ST14: variants seen among roughly 807,000 people sequenced by gnomAD.
ST14 encodes the protein ST14 transmembrane serine protease matriptase, also known as suppressor of tumorigenicity 14 protein.
A neutral mutation model predicts 96.5 loss-of-function variants in ST14; 40 were observed. That is an observed-to-expected ratio of 0.41 (90% CI 0.32 to 0.54). The LOEUF (loss-of-function observed/expected upper bound fraction) is 0.54. ST14 is among the 20% of genes least tolerant of loss of function. The pLI, the probability that ST14 is intolerant of heterozygous loss-of-function variation, is 0.17. For synonymous variants in ST14, 506 were observed against 492.1 expected (o/e 1.03, Z -0.37); for missense variants, 1,066 against 1,188.9 (o/e 0.90, Z 1.52).
chr11:130,166,030 A>G (rs905599200), intron 1 of ST14, among the ~76,000 whole-genome samples: 1 of 152,244 alleles, frequency 6.6e-6, no homozygotes, highest in African/African-American at 2.4e-5. Flanking sequence ...ACCCGGTGCC[A>G]GTGCTGGTGT....
intron 9 of ST14, among the ~76,000 whole-genome samples, chr11:130,195,868 GAA>G (rs1953356549): frequency 4.0e-5 from 5 of 123,502 alleles, no homozygotes; most frequent in African/African-American, 1.5e-4. Flanking sequence ...AAAAAAAAAA[GAA>G]AAGAGGCTGG....
At chr11:130,171,225 T>G (rs1385272663) in intron 1 of ST14, among the ~76,000 whole-genome samples, 1 of 152,226 alleles carries the variant, frequency 6.6e-6, no homozygotes, top group Non-Finnish European at 1.5e-5. Flanking sequence ...TCCCATAAGT[T>G]AGGCTGCAAA....
chr11:130,200,471 T>A (rs1953416521), intron 16 of ST14, among the ~76,000 whole-genome samples: 1 of 151,986 alleles, frequency 6.6e-6, no homozygotes, highest in Non-Finnish European at 1.5e-5. Context: ...GAGGAGGTCC[T>A]AGACTCTTAA....
At chr11:130,174,136 G>A (rs1375676603) in intron 1 of ST14, among the ~76,000 whole-genome samples, 1 of 152,208 alleles carries the variant, frequency 6.6e-6, no homozygotes, top group East Asian at 1.9e-4. Flanking sequence ...ACAGCAGCAG[G>A]AGGAGGGAGT....
chr11:130,194,095 T>A, intron 7 of ST14, 54 bp from the exon 8 acceptor site: 4 of 1,612,982 alleles, frequency 2.5e-6, no homozygotes, highest in Non-Finnish European at 3.4e-6. Flanking sequence ...TTTGGGTGTG[T>A]GAGAAGCTTG....
chr11:130,208,354 G>T, intron 16 of ST14, 56 bp from the exon 17 acceptor site: 1 of 1,612,364 alleles, frequency 6.2e-7, no homozygotes, highest in Non-Finnish European at 8.5e-7. Context: ...GGGGCCGCGA[G>T]GCCGTGTGCA....
At chr11:130,185,538 C>A (rs1426561000) in intron 1 of ST14, among the ~76,000 whole-genome samples, 1 of 152,036 alleles carries the variant, frequency 6.6e-6, no homozygotes, top group African/African-American at 2.4e-5. Flanking sequence ...CAGCTATAGT[C>A]CTACCTACTC....
chr11:130,160,468 C>G (rs7117343), intron 1 of ST14, among the ~76,000 whole-genome samples: 41,551 of 152,148 alleles, frequency 0.27, 11,133 homozygotes, highest in African/African-American at 0.7. Flanking sequence ...TCCTTGGCCT[C>G]TGCAGAAAGT....
intron 16 of ST14, 44 bp from the exon 17 acceptor site, chr11:130,208,366 A>G (rs757398789): frequency 5.0e-6 from 8 of 1,613,374 alleles, no homozygotes; most frequent in Non-Finnish European, 5.9e-6. Flanking sequence ...CCGTGTGCAC[A>G]GACCCGAGTG....
At chr11:130,174,336 A>T (rs61332283) in intron 1 of ST14, among the ~76,000 whole-genome samples, 7,067 of 152,326 alleles carry the variant, frequency 0.046, 197 homozygotes, top group East Asian at 0.15. Flanking sequence ...CAATTCTTAC[A>T]GCCGCTAGGC....
chr11:130,191,624 A>AGG (rs1953301601), intron 7 of ST14, among the ~76,000 whole-genome samples: 1 of 146,312 alleles, frequency 6.8e-6, no homozygotes, highest in African/African-American at 2.5e-5. Flanking sequence ...TGGGAGGCAG[A>AGG]GGTTGCAGTG....
chr11:130,179,230 G>C (rs1238613986), intron 1 of ST14, among the ~76,000 whole-genome samples: 1 of 152,210 alleles, frequency 6.6e-6, no homozygotes, highest in Non-Finnish European at 1.5e-5. Flanking sequence ...TCCAGGGAGA[G>C]GGGCTTGGGA....
intron 1 of ST14, among the ~76,000 whole-genome samples, chr11:130,163,358 A>G (rs1426281566): frequency 1.3e-5 from 2 of 152,228 alleles, no homozygotes; most frequent in Non-Finnish European, 2.9e-5. Flanking sequence ...TGCCAGCTGC[A>G]TATCCCTTTC....
At chr11:130,170,260 C>G (rs1026733409) in intron 1 of ST14, among the ~76,000 whole-genome samples, 1 of 152,066 alleles carries the variant, frequency 6.6e-6, no homozygotes, top group Non-Finnish European at 1.5e-5. Context: ...TATTTTTTCC[C>G]CTTCTTGGTT....
At chr11:130,165,029 G>A (rs1346226058) in intron 1 of ST14, among the ~76,000 whole-genome samples, 1 of 152,128 alleles carries the variant, frequency 6.6e-6, no homozygotes, top group Non-Finnish European at 1.5e-5. Flanking sequence ...GAGCCACCAC[G>A]CCCGGCCCAG....
rs117656457 is a variant in ST14, at chr11:130,180,000, G to C, written c.82-8114G>C. ...TGCTCGGGCTCTACTTTCCTTTCTC[G>C]CTTGAACAATTACAGGGATAGTTTA... On this transcript the variant is annotated intron_variant, in intron 1 of 18. Transcript: ENST00000278742. 5.9e-5 allele frequency among the ~76,000 whole-genome samples: 9 copies of C among 152,274 alleles called. No individual in the cohort carries two copies. The East Asian group carries it at 1.5e-3, about 26-fold the overall frequency.
chr11:130,171,759 G>A (rs978591473), intron 1 of ST14, among the ~76,000 whole-genome samples: 1 of 152,196 alleles, frequency 6.6e-6, no homozygotes, highest in Non-Finnish European at 1.5e-5. Context: ...GGGCACACAG[G>A]CTGAAGCCAC....
At position 130,198,519 on chromosome 11, in the gene ST14, C is replaced by T. The variant is rs1565627100; in HGVS notation, c.1582C>T (p.Gln528Ter). ...TGGTGCCTCTCCAGGTTGTCCGGCCCAGACCTTCAGGTGTTCCAATGGGAA... is the reference window on the plus strand; with the variant it reads ...TGGTGCCTCTCCAGGTTGTCCGGCCTAGACCTTCAGGTGTTCCAATGGGAA... ...SDEQGCSCPAQTFRCSNGKCL... is the reference protein window; with the variant it reads ...SDEQGCSCPA The change falls in exon 14 of 19, where the codon CAG becomes TAG. Residue 528 changes from glutamine to a stop codon, truncating the protein, a stop_gained. Coordinates refer to ENST00000278742, the MANE Select transcript of ST14 (RefSeq NM_021978.4). LOFTEE classifies it high-confidence loss of function. 6.2e-7 allele frequency: 1 copy of T among 1,614,078 alleles called. No individual in the cohort carries two copies.
chr11:130,160,075 G>T lies in ST14; in HGVS notation c.81+15G>T. ...CCCGGCACGAGGTGAGCGCGGGCCGGGGACCCGGGGCGCTGGGAAGCTCCT... is the reference window on the plus strand; with the variant it reads ...CCCGGCACGAGGTGAGCGCGGGCCGTGGACCCGGGGCGCTGGGAAGCTCCT... On this transcript the variant is annotated intron_variant, in intron 1 of 18. Coordinates refer to ENST00000278742, the MANE Select transcript of ST14 (RefSeq NM_021978.4). 1 of 1,416,420 alleles carries T rather than the reference G, an allele frequency of 7.1e-7. No homozygotes were observed. The highest frequency in any genetic ancestry group is 1.5e-5 in the South Asian group (1 of 67,262). The allele number at this position is 1,416,420 out of a possible 1,614,324, so 87.7% of individuals were successfully genotyped here. A position where few individuals can be genotyped will look rare whatever the true frequency, so the allele number is the denominator to read the frequency against.
Sources: allele counts gnomAD v4.1 joint callset (sites outside exome capture counted in the v4.1 genomes callset), GRCh38; gene constraint gnomAD v4.1.1; transcripts MANE v1.5; gene names NCBI Gene and HGNC (gene_info 2026-07-23, HGNC 2026-07-21).